Variants in ARSG observed in about 807,000 individuals in gnomAD.
ARSG encodes ASG.
A neutral mutation model predicts 50.5 loss-of-function variants in ARSG; 37 were observed. The ratio of observed to expected loss-of-function variants is 0.73; its 90% CI spans 0.56 to 0.96. The LOEUF (loss-of-function observed/expected upper bound fraction) is 0.96, where lower values mean the gene tolerates loss of function less well. Among genes scored for constraint, ARSG ranks in the 50% least tolerant of loss-of-function variants. The pLI is 0.00. For synonymous variants in ARSG, 225 were observed against 254.6 expected (o/e 0.88, Z 1.11); for missense variants, 629 against 675.3 (o/e 0.93, Z 0.76).
chr17:68,449,255 T>C, the ARSG span, among the ~76,000 whole-genome samples: 60 of 152,224 alleles, frequency 3.9e-4, no homozygotes, highest in Non-Finnish European at 7.2e-4. Flanking sequence ...AGGAAACAGA[T>C]ATTTATGAGC....
intron 8 of ARSG, among the ~76,000 whole-genome samples, chr17:68,375,538 A>G (rs2080102517): frequency 6.6e-6 from 1 of 152,268 alleles, no homozygotes; most frequent in Non-Finnish European, 1.5e-5. Flanking sequence ...CTAGCTACAT[A>G]TAGCTATTTA....
the ARSG span, chr17:68,434,612 C>G: frequency 6.2e-7 from 1 of 1,614,020 alleles, no homozygotes; most frequent in South Asian, 1.1e-5. Context: ...CAGAGAACAC[C>G]CGGATGACTG....
At chr17:68,313,027 C>T (rs1004482273) in intron 2 of ARSG, among the ~76,000 whole-genome samples, 2 of 152,078 alleles carry the variant, frequency 1.3e-5, no homozygotes, top group Admixed American at 6.5e-5. Flanking sequence ...TTTGGGAGGC[C>T]GAGGCGGGCA....
upstream of ARSG, among the ~76,000 whole-genome samples, chr17:68,289,956 G>C (rs1300349231): frequency 6.6e-6 from 1 of 152,172 alleles, no homozygotes; most frequent in African/African-American, 2.4e-5. Context: ...TCATCTGGCC[G>C]GATGTATTGT....
intron 8 of ARSG, among the ~76,000 whole-genome samples, chr17:68,380,249 A>T (rs773835278): frequency 1.0e-3 from 112 of 108,896 alleles, no homozygotes; most frequent in Admixed American, 1.0e-3. Flanking sequence ...TTCTTTCTTT[A>T]CTCTTTTTTT....
intron 1 of ARSG, chr17:68,274,075 C>T (rs782454400): frequency 1.3e-5 from 21 of 1,610,454 alleles, no homozygotes; most frequent in African/African-American, 2.7e-5. Flanking sequence ...GGGGAGCTGC[C>T]GGGAAAGAAC....
At chr17:68,337,209 G>A (rs977264616) in intron 2 of ARSG, among the ~76,000 whole-genome samples, 13 of 152,188 alleles carry the variant, frequency 8.5e-5, no homozygotes, top group Admixed American at 7.9e-4. Context: ...CTGGATTATT[G>A]CGTTTAAGGT....
chr17:68,266,320 C>T (rs1231098898), intron 1 of ARSG, among the ~76,000 whole-genome samples: 1 of 148,936 alleles, frequency 6.7e-6, no homozygotes, highest in Non-Finnish European at 1.5e-5. Flanking sequence ...TAAAATAGTT[C>T]GTATGAAACT....
At chr17:68,444,670 A>G in the ARSG span, 1 of 1,181,100 alleles carries the variant, frequency 8.5e-7, no homozygotes, top group Non-Finnish European at 1.2e-6. Flanking sequence ...CATCTTTCAT[A>G]TGAGTCCTAA....
At chr17:68,361,267 C>A (rs1457446122) in intron 6 of ARSG, among the ~76,000 whole-genome samples, 2 of 152,068 alleles carry the variant, frequency 1.3e-5, no homozygotes, top group African/African-American at 4.8e-5. Context: ...AGTGAAGCCC[C>A]CATGTTGGGA....
chr17:68,426,178 G>A (rs759070572), downstream of ARSG: 2 of 1,540,524 alleles, frequency 1.3e-6, no homozygotes, highest in Non-Finnish European at 8.8e-7. Context: ...AGAATAACCT[G>A]GAAACCAAGA....
At chr17:68,361,944 A>AAAC (rs775024626) in intron 6 of ARSG, among the ~76,000 whole-genome samples, 1 of 152,230 alleles carries the variant, frequency 6.6e-6, no homozygotes, top group East Asian at 1.9e-4. Context: ...AAACAAACAA[A>AAAC]AACAACAACA....
At chr17:68,296,831 C>A (rs115712416) in intron 1 of ARSG, among the ~76,000 whole-genome samples, 1 of 152,142 alleles carries the variant, frequency 6.6e-6, no homozygotes, top group South Asian at 2.1e-4. Flanking sequence ...GCGATTGTTA[C>A]GTAAAACAGC....
chr17:68,317,946 A>G (rs2077131798), intron 2 of ARSG, among the ~76,000 whole-genome samples: 1 of 152,158 alleles, frequency 6.6e-6, no homozygotes, highest in Non-Finnish European at 1.5e-5. Flanking sequence ...TAAAAATACA[A>G]AAATTAGCCG....
At chr17:68,282,645 T>C (rs554238318) in intron 1 of ARSG, among the ~76,000 whole-genome samples, 2 of 150,834 alleles carry the variant, frequency 1.3e-5, no homozygotes, top group South Asian at 4.2e-4. Flanking sequence ...CAAAAAAGTA[T>C]AAGAAGAAAT....
intron 1 of ARSG, chr17:68,278,426 A>G (rs1271092155): frequency 1.4e-6 from 1 of 690,662 alleles, no homozygotes; most frequent in African/African-American, 1.8e-5. Flanking sequence ...TACTTACCCC[A>G]TTTCTTAAGT....
At chr17:68,288,352 C>T (rs1292640237), upstream of ARSG, among the ~76,000 whole-genome samples, 1 of 152,202 alleles carries the variant, frequency 6.6e-6, no homozygotes, top group Non-Finnish European at 1.5e-5. Context: ...CCTTCTGTCT[C>T]TGCAAACAAA....
chr17:68,444,606 T>C, the ARSG span: 1 of 1,603,264 alleles, frequency 6.2e-7, no homozygotes, highest in Non-Finnish European at 8.5e-7. Context: ...TCACACAGAC[T>C]TATCAGTCTA....
intron 2 of ARSG, among the ~76,000 whole-genome samples, chr17:68,313,351 G>T (rs563104482): frequency 1.2e-3 from 183 of 152,298 alleles, no homozygotes; most frequent in African/African-American, 4.2e-3. Flanking sequence ...ATGACTGAAG[G>T]CTCTGACAGA....
Sources: gnomAD v4.1 joint callset for allele counts (sites outside exome capture counted in the v4.1 genomes callset) on GRCh38, gnomAD v4.1.1 for gene constraint, MANE v1.5 for transcripts, NCBI Gene and HGNC (gene_info 2026-07-23, HGNC 2026-07-21) for gene names.